Variants in ADGRL2 observed in about 807,000 individuals in gnomAD.
The protein encoded by ADGRL2 is calcium-independent alpha-latrotoxin receptor 2.
ADGRL2 carries 44 observed loss-of-function variants against 157.4 expected under a neutral mutation model. The ratio of observed to expected loss-of-function variants is 0.28; its 90% CI spans 0.22 to 0.36. The LOEUF is 0.36. Ranked by LOEUF, ADGRL2 falls within the 10% of genes least tolerant of loss-of-function variation. The pLI is 1.00. For missense variants in ADGRL2, 1,510 were observed against 1,768.9 expected (o/e 0.85, Z 2.63); for synonymous variants, 585 against 624.7 (o/e 0.94, Z 0.95).
At position 81,912,179 on chromosome 1, in the gene ADGRL2, C is replaced by A. The variant is rs142350806; in HGVS notation, c.287+4949C>A. Reference sequence around the variant, plus strand: ...CTCTGCCTCCTGGGTTCAAGCAATTCCCCAGCCTCAGCCTCCCAAGTAGCT... The same window carrying A: ...CTCTGCCTCCTGGGTTCAAGCAATTACCCAGCCTCAGCCTCCCAAGTAGCT... On this transcript the variant is annotated intron_variant, in intron 3 of 23. Transcript: ENST00000686636. 6.4e-3 allele frequency among the ~76,000 whole-genome samples: 966 copies of A among 151,906 alleles called. 9 individuals are homozygous for A. Among genetic ancestry groups the A allele is most frequent in the African/African-American group, 0.022 (897 of 41,398 alleles).
intron 1 of ADGRL2, among the ~76,000 whole-genome samples, chr1:81,812,811 A>G (rs1176738742): frequency 6.6e-6 from 1 of 151,772 alleles, no homozygotes; most frequent in East Asian, 1.9e-4. Flanking sequence ...CATGAGTTCA[A>G]TGACATTAAA....
intron 1 of ADGRL2, among the ~76,000 whole-genome samples, chr1:81,831,323 G>C (rs1016835711): frequency 2.0e-5 from 3 of 152,088 alleles, no homozygotes; most frequent in Admixed American, 2.0e-4. Flanking sequence ...AGCTCAACTG[G>C]AAATAGTAAA....
At chr1:81,560,380 C>T (rs1366866303) in intron 2 of ADGRL2, among the ~76,000 whole-genome samples, 3 of 152,160 alleles carry the variant, frequency 2.0e-5, no homozygotes, top group Non-Finnish European at 4.4e-5. Context: ...CTATAGCCTC[C>T]ATTTCACAGG....
intron 2 of ADGRL2, among the ~76,000 whole-genome samples, chr1:81,532,129 T>C (rs1177429081): frequency 3.3e-5 from 5 of 152,216 alleles, no homozygotes; most frequent in African/African-American, 1.2e-4. Flanking sequence ...AATGGGAATA[T>C]GAATAACTAC....
At chr1:81,635,560 C>G (rs2082099324) in intron 3 of ADGRL2, among the ~76,000 whole-genome samples, 1 of 152,170 alleles carries the variant, frequency 6.6e-6, no homozygotes, top group Admixed American at 6.5e-5. Context: ...GACTTGGTGT[C>G]TCGTGAAGAG....
At chr1:81,440,444 G>A (rs554347164) in intron 1 of ADGRL2, among the ~76,000 whole-genome samples, 4 of 152,116 alleles carry the variant, frequency 2.6e-5, no homozygotes, top group African/African-American at 7.2e-5. Context: ...CTCTGGTTGC[G>A]CTTTCTCCTA....
chr1:81,611,133 T>C (rs1290441441), intron 3 of ADGRL2, among the ~76,000 whole-genome samples: 1 of 152,208 alleles, frequency 6.6e-6, no homozygotes, highest in Non-Finnish European at 1.5e-5. Context: ...CAATTGATAA[T>C]CCTATCCTTC....
At chr1:81,698,765 C>A (rs2083497238), upstream of ADGRL2, among the ~76,000 whole-genome samples, 1 of 152,138 alleles carries the variant, frequency 6.6e-6, no homozygotes, top group South Asian at 2.1e-4. Flanking sequence ...TTGTTTTGAT[C>A]ATGTTATACT....
At chr1:81,421,433 G>A (rs1359283815) in intron 1 of ADGRL2, among the ~76,000 whole-genome samples, 1 of 152,164 alleles carries the variant, frequency 6.6e-6, no homozygotes, top group Middle Eastern at 3.2e-3. Flanking sequence ...TTAGGCAGCA[G>A]AATAATCTCA....
At chr1:81,429,836 G>A (rs1256737709) in intron 1 of ADGRL2, among the ~76,000 whole-genome samples, 1 of 152,190 alleles carries the variant, frequency 6.6e-6, no homozygotes, top group Non-Finnish European at 1.5e-5. Flanking sequence ...AAGATGGGAA[G>A]CCCATGACCT....
At chr1:81,677,284 C>T (rs1401441637) in intron 3 of ADGRL2, among the ~76,000 whole-genome samples, 2 of 152,180 alleles carry the variant, frequency 1.3e-5, no homozygotes, top group East Asian at 3.9e-4. Context: ...CACACCTGGC[C>T]CAACTCATTG....
At chr1:81,775,002 G>A (rs2086519864) in intron 2 of ADGRL2, among the ~76,000 whole-genome samples, 1 of 152,004 alleles carries the variant, frequency 6.6e-6, no homozygotes, top group Non-Finnish European at 1.5e-5. Context: ...AATAAAATTT[G>A]GAAAAAGCTG....
chr1:81,990,318 T>C, intron 23 of ADGRL2, 73 bp from the exon 24 acceptor site: 1 of 1,535,118 alleles, frequency 6.5e-7, no homozygotes, highest in African/African-American at 1.4e-5. Flanking sequence ...TTAAAAAGTT[T>C]TGTACAAAAG....
At chr1:81,557,482 G>GAAGAAAGAGAGA in intron 2 of ADGRL2, 1 of 120,064 alleles carries the variant, frequency 8.3e-6, no homozygotes, top group Non-Finnish European at 1.7e-5. Flanking sequence ...AAGAAAGAAA[G>GAAGAAAGAGAGA]AAGAAAGAAA....
chr1:81,529,019 A>G (rs996036328), intron 2 of ADGRL2, among the ~76,000 whole-genome samples: 2 of 152,342 alleles, frequency 1.3e-5, no homozygotes, highest in East Asian at 3.9e-4. Flanking sequence ...AGTAAAACCT[A>G]AATGTTGCTA....
intron 2 of ADGRL2, among the ~76,000 whole-genome samples, chr1:81,899,628 T>G (rs2094453611): frequency 6.6e-6 from 1 of 152,212 alleles, no homozygotes; most frequent in African/African-American, 2.4e-5. Context: ...ATTGATTTTT[T>G]GCTCACAGAG....
chr1:81,885,720 A>G (rs536943628), intron 2 of ADGRL2, among the ~76,000 whole-genome samples: 5 of 152,336 alleles, frequency 3.3e-5, no homozygotes, highest in African/African-American at 9.6e-5. Context: ...CAAAGTAGTT[A>G]CTTTGACAAC....
chr1:81,791,108 G>A (rs1323532311), intron 2 of ADGRL2, among the ~76,000 whole-genome samples: 3 of 150,980 alleles, frequency 2.0e-5, no homozygotes, highest in Non-Finnish European at 3.0e-5. Flanking sequence ...TGAGCAGGGA[G>A]GGCAGTGCTT....
rs1424415491 is a variant in ADGRL2, at chr1:81,441,121, C to T, written c.-301-3915C>T. The stretch of plus-strand genomic sequence containing the variant: ...TTACCCACTAGTTCACCTCTGTAGC[C>T]TCAGCACCTAATAGTACTACTTAGT... On this transcript the variant is annotated intron_variant, in intron 1 of 24. Transcript: ENST00000370721. Among the ~76,000 whole-genome samples, 3 of 152,230 alleles carry T rather than the reference C, an allele frequency of 2.0e-5. No individual in the cohort carries two copies. The East Asian group carries it at 5.8e-4, about 29-fold the overall frequency.
Sources: gnomAD v4.1 joint callset for allele counts (sites outside exome capture counted in the v4.1 genomes callset) on GRCh38, gnomAD v4.1.1 for gene constraint, MANE v1.5 for transcripts, NCBI Gene and HGNC (gene_info 2026-07-23, HGNC 2026-07-21) for gene names.